The following FGF14 variants were observed in gnomAD, a reference collection of about 807,000 sequenced individuals.
FGF14 encodes fibroblast growth factor 14, also known as fibroblast growth factor homologous factor 4.
Under a neutral mutation model 25.5 loss-of-function variants are expected in FGF14, and 5 were observed. The observed-to-expected ratio is 0.20, with a 90% CI of 0.10 to 0.41. The LOEUF is 0.41. FGF14 is among the 10% of genes least tolerant of loss of function. The pLI, the probability that FGF14 is intolerant of heterozygous loss-of-function variation, is 1.00. For missense variants in FGF14, 222 were observed against 320.1 expected, an observed-to-expected ratio of 0.69 and a Z score of 2.34; for synonymous variants, 138 against 118.3, an observed-to-expected ratio of 1.17 and a Z score of -1.08.
chr13:102,078,669 T>C (rs1206586909), intron 1 of FGF14, among the ~76,000 whole-genome samples: 1 of 152,084 alleles, frequency 6.6e-6, no homozygotes, highest in East Asian at 1.9e-4. Flanking sequence ...TGGAAGTTCA[T>C]AGAGACCCAG....
At chr13:101,727,647 T>C (rs1330818735) in intron 3 of FGF14, among the ~76,000 whole-genome samples, 1 of 152,118 alleles carries the variant, frequency 6.6e-6, no homozygotes, top group Non-Finnish European at 1.5e-5. Context: ...ACTTCTTACT[T>C]TGGGATGAAT....
intron 1 of FGF14, among the ~76,000 whole-genome samples, chr13:102,223,394 C>G (rs998126698): frequency 2.0e-5 from 3 of 152,134 alleles, no homozygotes; most frequent in African/African-American, 7.2e-5. Context: ...TAAATCCTCC[C>G]AATTAATTCC....
chr13:101,725,451 A>AAAAT (rs2035354691), intron 4 of FGF14, among the ~76,000 whole-genome samples: 1 of 152,086 alleles, frequency 6.6e-6, no homozygotes, highest in African/African-American at 2.4e-5. Flanking sequence ...GTTCTACAGA[A>AAAAT]AAATATAATT....
chr13:101,824,141 T>C (rs994406327), intron 3 of FGF14, among the ~76,000 whole-genome samples: 6 of 152,328 alleles, frequency 3.9e-5, no homozygotes, highest in East Asian at 1.9e-4. Flanking sequence ...TATAGAATTA[T>C]AGACTGACTT....
At position 101,783,992 on chromosome 13, in the gene FGF14, T is replaced by C. The variant is rs547566631; in HGVS notation, c.409-57182A>G. ...GTTGTTAGGTTTGTCAAAGATCAGA[T>C]AGTTGTAAGTGTGCAGTCTTATTTC... On this transcript the variant is annotated intron_variant, in intron 3 of 4. Coordinates refer to ENST00000376143, the MANE Select transcript of FGF14 (RefSeq NM_004115.4). Among the ~76,000 whole-genome samples the C allele has an allele frequency of 7.9e-5, 12 of 152,290 alleles. No homozygotes were observed. In the South Asian group the frequency reaches 1.9e-3, roughly 24 times the overall value.
intron 3 of FGF14, among the ~76,000 whole-genome samples, chr13:101,785,254 TG>T (rs2039739119): frequency 6.6e-6 from 1 of 151,594 alleles, no homozygotes; most frequent in African/African-American, 2.4e-5. Context: ...CCTTCTGCTT[TG>T]TAAAGAATAT....
At chr13:101,911,976 C>T (rs997742091) in intron 1 of FGF14, among the ~76,000 whole-genome samples, 7 of 149,010 alleles carry the variant, frequency 4.7e-5, no homozygotes, top group Non-Finnish European at 8.9e-5. Flanking sequence ...ATGGTAATGA[C>T]ACTAAAACAG....
intron 1 of FGF14, among the ~76,000 whole-genome samples, chr13:102,306,090 G>C (rs1396467709): frequency 6.6e-6 from 1 of 152,114 alleles, no homozygotes; most frequent in Non-Finnish European, 1.5e-5. Flanking sequence ...CCTAGAAATT[G>C]GGCTGTAAAC....
chr13:102,294,195 A>G (rs754377386), intron 1 of FGF14, among the ~76,000 whole-genome samples: 2 of 152,232 alleles, frequency 1.3e-5, no homozygotes, highest in African/African-American at 2.4e-5. Context: ...TGCTACAACT[A>G]AAGTACTCAA....
At chr13:101,817,642 G>T (rs74521915) in intron 3 of FGF14, among the ~76,000 whole-genome samples, 1 of 152,128 alleles carries the variant, frequency 6.6e-6, no homozygotes, top group Non-Finnish European at 1.5e-5. Flanking sequence ...CTGGTGAAAA[G>T]TTGGAGAAAT....
intron 1 of FGF14, among the ~76,000 whole-genome samples, chr13:102,268,725 G>A (rs1203579096): frequency 2.0e-5 from 3 of 151,994 alleles, no homozygotes; most frequent in Non-Finnish European, 4.4e-5. Context: ...GAAATTTCTA[G>A]TCAAAAATTT....
chr13:101,911,426 C>A (rs1043865352), intron 1 of FGF14, among the ~76,000 whole-genome samples: 1 of 152,090 alleles, frequency 6.6e-6, no homozygotes, highest in Non-Finnish European at 1.5e-5. Context: ...AAACCCAAAG[C>A]AAACCATCTT....
Position 101,780,768 on chromosome 13 carries a change from A to C in FGF14, c.409-53958T>G, listed in dbSNP as rs141657004. Among the ~76,000 whole-genome samples the C allele has an allele frequency of 6.4e-3, 970 of 152,268 alleles. 10 individuals carry two copies. The highest frequency in any genetic ancestry group is 0.021 in the African/African-American group (884 of 41,542). Reference sequence around the variant, plus strand: ...TCACCCAGAACAGAACTCATCACACAGCACTGATACACAGGCTATGGGGAA... The same window carrying C: ...TCACCCAGAACAGAACTCATCACACCGCACTGATACACAGGCTATGGGGAA... On this transcript the variant is annotated intron_variant, in intron 3 of 4. Transcript: ENST00000376143.
At chr13:101,871,386 A>T (rs1389786646) in intron 2 of FGF14, among the ~76,000 whole-genome samples, 3 of 152,264 alleles carry the variant, frequency 2.0e-5, no homozygotes, top group South Asian at 4.1e-4. Flanking sequence ...CGGGTTTAGG[A>T]CATAAGGAAT....
At chr13:101,867,618 G>A (rs939359363) in intron 3 of FGF14, among the ~76,000 whole-genome samples, 3 of 152,052 alleles carry the variant, frequency 2.0e-5, no homozygotes, top group Non-Finnish European at 2.9e-5. Context: ...TTTTTCTAAA[G>A]GGAGCATAGG....
Position 102,301,826 on chromosome 13 carries a change from TCACACACACACA to T in FGF14, c.208+99633_208+99644del, listed in dbSNP as rs3066038. 1.5e-3 allele frequency among the ~76,000 whole-genome samples: 213 copies of T among 140,074 alleles called. 1 individual carries two copies. The highest frequency in any genetic ancestry group is 2.6e-3 in the East Asian group (12 of 4,562). 91.9% of individuals were successfully genotyped at this position (140,074 alleles called of 152,430 possible). On this transcript the variant is annotated intron_variant, in intron 1 of 4. Transcript: ENST00000376131. ...CTTTCTTCTCAAATCTTCCTGTACT[TCACACACACACA>T]CACACACACACACACACACACACAC...
At chr13:101,950,132 G>T (rs1242562346) in intron 1 of FGF14, among the ~76,000 whole-genome samples, 1 of 151,980 alleles carries the variant, frequency 6.6e-6, no homozygotes, top group African/African-American at 2.4e-5. Context: ...CCTACCAGAT[G>T]CCCAATAAGA....
At position 101,714,960 on chromosome 13, in the gene FGF14, G is replaced by T. The variant is rs756917139; in HGVS notation, c.*7871C>A. ...TGTGTTGGTTGCTTTTAGGGAACTG[G>T]ATGTGTGTATGGGGGAGAGGTATAA... On this transcript the variant is annotated 3_prime_UTR_variant, in exon 5 of 5. Coordinates refer to ENST00000376143, the MANE Select transcript of FGF14 (RefSeq NM_004115.4). The T allele has an allele frequency of 2.5e-5, 5 of 196,942 alleles. No individual in the cohort carries two copies. Among genetic ancestry groups the T allele is most frequent in the Admixed American group, 5.4e-5 (1 of 18,416 alleles). 12.2% of individuals were successfully genotyped at this position (196,942 alleles called of 1,614,324 possible). A position where few individuals can be genotyped will look rare whatever the true frequency, so the allele number is the denominator to read the frequency against.
At chr13:102,325,201 A>T (rs2056384613) in intron 1 of FGF14, among the ~76,000 whole-genome samples, 1 of 152,158 alleles carries the variant, frequency 6.6e-6, no homozygotes, top group Admixed American at 6.5e-5. Flanking sequence ...CAAAGGAAAG[A>T]TGAAAAAATT....
Sources: gnomAD v4.1 joint callset for allele counts (sites outside exome capture counted in the v4.1 genomes callset) on GRCh38, gnomAD v4.1.1 for gene constraint, MANE v1.5 for transcripts, NCBI Gene and HGNC (gene_info 2026-07-23, HGNC 2026-07-21) for gene names.